Variants in RPRD1B observed in about 807,000 individuals in gnomAD.
RPRD1B encodes the protein regulation of nuclear pre-mRNA domain containing 1B.
Under a neutral mutation model 41.5 loss-of-function variants are expected in RPRD1B, and 11 were observed. That is an observed-to-expected ratio of 0.27 (90% CI 0.17 to 0.44). The LOEUF is 0.44. Among genes scored for constraint, RPRD1B ranks in the 20% least tolerant of loss-of-function variants. The probability of loss-of-function intolerance (pLI) is 1.00; values close to 1 mark genes in which losing one functional copy is unlikely to be tolerated. For missense variants in RPRD1B, 248 were observed against 389.9 expected, an observed-to-expected ratio of 0.64 and a Z score of 3.06; for synonymous variants, 158 against 155.6, an observed-to-expected ratio of 1.02 and a Z score of -0.12.
intron 6 of RPRD1B, chr20:38,070,698 A>G (rs1458072915): frequency 1.0e-6 from 1 of 985,076 alleles, no homozygotes; most frequent in Admixed American, 6.2e-5. Flanking sequence ...TAAGGAAAGA[A>G]AAAAGGTCAG....
Position 38,070,401 on chromosome 20 carries a change from G to C in RPRD1B, c.831+4145G>C, listed in dbSNP as rs1019338635. ...CAGCCCAAAGAGGAGGTTAGAGAAT[G>C]TGGAGGGTATAGAAGAAAGCCCATT... On this transcript the variant is annotated intron_variant, in intron 6 of 6. Transcript: ENST00000373433. The C allele has an allele frequency of 2.2e-5, 22 of 985,384 alleles. No individual in the cohort carries two copies. The African/African-American group carries it at 3.8e-4, about 17-fold the overall frequency. The allele number at this position is 985,384 out of a possible 1,614,324, so 61.0% of individuals were successfully genotyped here.
rs558032980 is a variant in RPRD1B, at chr20:38,080,714, A to G, written c.832-9012A>G. 3.0e-4 allele frequency among the ~76,000 whole-genome samples: 45 copies of G among 152,096 alleles called. No homozygotes were observed. In the South Asian group the frequency reaches 8.9e-3, roughly 30 times the overall value. On this transcript the variant is annotated intron_variant, in intron 6 of 6. Coordinates refer to ENST00000373433, the MANE Select transcript of RPRD1B (RefSeq NM_021215.4). ...CTTATTTTGTATTTTTAGTAGAGAT[A>G]GGGTTTCCCCATGTTGGCCAGCCTG...
At chr20:38,076,672 C>T (rs993757719) in intron 6 of RPRD1B, among the ~76,000 whole-genome samples, 3 of 151,858 alleles carry the variant, frequency 2.0e-5, no homozygotes, top group Non-Finnish European at 2.9e-5. Flanking sequence ...CCCCTGCCCC[C>T]AGTGGTCTAA....
chr20:38,055,021 A>C (rs923508282), intron 3 of RPRD1B, among the ~76,000 whole-genome samples: 1 of 152,244 alleles, frequency 6.6e-6, no homozygotes, highest in Admixed American at 6.5e-5. Flanking sequence ...TTTGCTTTGC[A>C]TAGTAGTGCA....
intron 3 of RPRD1B, among the ~76,000 whole-genome samples, chr20:38,053,182 A>C (rs2074206157): frequency 6.6e-6 from 1 of 152,202 alleles, no homozygotes; most frequent in South Asian, 2.1e-4. Flanking sequence ...GGCTTACCTT[A>C]AATTCAGATG....
In RPRD1B at chr20:38,070,132, T is replaced by C. The variant is rs932701579; in HGVS notation, c.831+3876T>C. On this transcript the variant is annotated intron_variant, in intron 6 of 6. Transcript: ENST00000373433. ...AGAAGTTTCTGTAGGTTTTCTCCTT[T>C]GTACTACTTTTCTTTTTTCCTTTAA... 5 of 904,422 alleles carry C rather than the reference T, an allele frequency of 5.5e-6. No individual in the cohort carries two copies. In the South Asian group the frequency reaches 1.5e-4, roughly 28 times the overall value. 56.0% of individuals were successfully genotyped at this position (904,422 alleles called of 1,614,324 possible). A position where few individuals can be genotyped will look rare whatever the true frequency, so the allele number is the denominator to read the frequency against.
Position 38,091,717 on chromosome 20 carries a change from AAGTGCGATCTG to A in RPRD1B, c.*1845_*1855del. 1 of 985,724 alleles carries A rather than the reference AAGTGCGATCTG, an allele frequency of 1.0e-6. No homozygotes were observed. The highest frequency in any genetic ancestry group is 1.2e-6 in the Non-Finnish European group (1 of 829,938). 61.1% of individuals were successfully genotyped at this position (985,724 alleles called of 1,614,324 possible). A position where few individuals can be genotyped will look rare whatever the true frequency, so the allele number is the denominator to read the frequency against. ...GGGACACTCTATGCTTTCACCAAGG[AAGTGCGATCTG>A]AGCAGCCACAATCCAGCCAAAAGAG... On this transcript the variant is annotated 3_prime_UTR_variant, in exon 7 of 7. Coordinates refer to ENST00000373433, the MANE Select transcript of RPRD1B (RefSeq NM_021215.4).
rs578253871 is a variant in RPRD1B at position 38,068,174 on chromosome 20, T to C, written c.831+1918T>C. ...GAGCTTTGGATGCGTTCTGTAACTT[T>C]CCAGTCTGCGTTGCTCTGCGCGGTT... On this transcript the variant is annotated intron_variant, in intron 6 of 6. Transcript: ENST00000373433. Among the ~76,000 whole-genome samples the C allele has an allele frequency of 1.4e-4, 22 of 152,304 alleles. No homozygotes were observed. In the South Asian group the frequency reaches 3.7e-3, roughly 26 times the overall value.
chr20:38,067,578 T>G (rs2074370192), intron 6 of RPRD1B, among the ~76,000 whole-genome samples: 2 of 152,178 alleles, frequency 1.3e-5, no homozygotes, highest in African/African-American at 4.8e-5. Context: ...GCAGGCACTT[T>G]TTACCGTATC....
At chr20:38,055,302 TCTG>T (rs1250267217) in intron 3 of RPRD1B, among the ~76,000 whole-genome samples, 1 of 152,260 alleles carries the variant, frequency 6.6e-6, no homozygotes, top group African/African-American at 2.4e-5. Context: ...GTTGCCTTCT[TCTG>T]GTATAATTTA....
chr20:38,070,647 A>AG, intron 6 of RPRD1B: 1 of 985,332 alleles, frequency 1.0e-6, no homozygotes, highest in Non-Finnish European at 1.2e-6. Flanking sequence ...GTGCATGTGG[A>AG]AGAGTGTGTG....
At chr20:38,049,413 T>G (rs577963613) in intron 3 of RPRD1B, among the ~76,000 whole-genome samples, 6 of 131,250 alleles carry the variant, frequency 4.6e-5, no homozygotes, top group Middle Eastern at 4.1e-3. Flanking sequence ...CTTTGTTACC[T>G]GGGCTGGAGT....
chr20:38,040,084 T>G (rs1056103750), intron 1 of RPRD1B, among the ~76,000 whole-genome samples: 1 of 152,192 alleles, frequency 6.6e-6, no homozygotes, highest in African/African-American at 2.4e-5. Flanking sequence ...GAGTTAGAAG[T>G]TGCTCATTTT....
chr20:38,051,173 T>C (rs2074181299), intron 3 of RPRD1B, among the ~76,000 whole-genome samples: 2 of 152,244 alleles, frequency 1.3e-5, no homozygotes, highest in African/African-American at 4.8e-5. Context: ...TCTCAAGGTG[T>C]TCTAAAGGTG....
At chr20:38,074,868 G>A (rs991198169) in intron 6 of RPRD1B, among the ~76,000 whole-genome samples, 2 of 152,080 alleles carry the variant, frequency 1.3e-5, no homozygotes, top group Admixed American at 6.5e-5. Context: ...TAATTTTTGC[G>A]TATTTCCTTT....
In RPRD1B at chr20:38,090,439, A is replaced by T. The variant is rs2074603274; in HGVS notation, c.*564A>T. 1 of 985,888 alleles carries T rather than the reference A, an allele frequency of 1.0e-6. No homozygotes were observed. The highest frequency in any genetic ancestry group is 1.2e-6 in the Non-Finnish European group (1 of 830,062). The allele number at this position is 985,888 out of a possible 1,614,324, so 61.1% of individuals were successfully genotyped here. A position where few individuals can be genotyped will look rare whatever the true frequency, so the allele number is the denominator to read the frequency against. ...TCCCTTTCCATTGCTTCTCCTAGTG[A>T]TGCACGAAGATTAGGTGCATTTATT... is the stretch of plus-strand genomic sequence containing the variant. On this transcript the variant is annotated 3_prime_UTR_variant, in exon 7 of 7. Coordinates refer to ENST00000373433, the MANE Select transcript of RPRD1B (RefSeq NM_021215.4).
intron 2 of RPRD1B, among the ~76,000 whole-genome samples, chr20:38,042,094 G>T (rs1248430524): frequency 6.6e-6 from 1 of 152,174 alleles, no homozygotes; most frequent in Admixed American, 6.5e-5. Context: ...TTGGTCTAGG[G>T]AGTTGGCTGG....
intron 6 of RPRD1B, among the ~76,000 whole-genome samples, chr20:38,067,088 A>T (rs2074365454): frequency 6.6e-6 from 1 of 152,168 alleles, no homozygotes; most frequent in Admixed American, 6.5e-5. Flanking sequence ...AAAAGACCTC[A>T]TTTCTACCCT....
intron 6 of RPRD1B, among the ~76,000 whole-genome samples, chr20:38,072,901 C>T (rs938148217): frequency 6.6e-6 from 1 of 152,120 alleles, no homozygotes; most frequent in Non-Finnish European, 1.5e-5. Context: ...AGTAAAGTGA[C>T]ACATAGAGGC....
Sources: gnomAD v4.1 joint callset for allele counts (sites outside exome capture counted in the v4.1 genomes callset) on GRCh38, gnomAD v4.1.1 for gene constraint, MANE v1.5 for transcripts, NCBI Gene and HGNC (gene_info 2026-07-23, HGNC 2026-07-21) for gene names.